Variants in CRKL observed in about 807,000 individuals in gnomAD.
CRKL encodes the protein crk-like protein.
In CRKL, 3 loss-of-function variants were observed where a neutral mutation model predicts 23.0. The ratio of observed to expected loss-of-function variants is 0.13; its 90% CI spans 0.06 to 0.34. The LOEUF (loss-of-function observed/expected upper bound fraction) is 0.34. Ranked by LOEUF, CRKL falls within the 10% of genes least tolerant of loss-of-function variation. The pLI is 1.00. For missense variants in CRKL, 256 were observed against 394.5 expected (o/e 0.65, Z 2.97); for synonymous variants, 188 against 160.7 (o/e 1.17, Z -1.28).
In CRKL at chr22:20,917,857, C is replaced by T. The variant is rs935939700; in HGVS notation, c.-78C>T. The T allele has an allele frequency of 1.5e-4, 216 of 1,415,920 alleles. No homozygotes were observed. The highest frequency in any genetic ancestry group is 2.4e-4 in the Middle Eastern group (1 of 4,120). The allele number at this position is 1,415,920 out of a possible 1,614,324, so 87.7% of individuals were successfully genotyped here. A position where few individuals can be genotyped will look rare whatever the true frequency, so the allele number is the denominator to read the frequency against. Reference sequence around the variant, plus strand: ...AGAGGCCCTTCCTCGGCCCCAAAGCCGTCTGCCGGGCTAAGGCGTGCAGAG... The same window carrying T: ...AGAGGCCCTTCCTCGGCCCCAAAGCTGTCTGCCGGGCTAAGGCGTGCAGAG... On this transcript the variant is annotated 5_prime_UTR_variant, in exon 1 of 3. Coordinates refer to ENST00000354336, the MANE Select transcript of CRKL (RefSeq NM_005207.4).
chr22:20,952,572 G>A lies in CRKL; in HGVS notation c.*2727G>A, dbSNP rs1434767149. On this transcript the variant is annotated 3_prime_UTR_variant, in exon 3 of 3. Transcript: ENST00000354336. ...AATGCAGCACTGCTGCCTCAGCTCA[G>A]CTTCGTGCCTGGGTTCCCCACTGGT... is the stretch of plus-strand genomic sequence containing the variant. The A allele has an allele frequency of 8.6e-6, 2 of 232,598 alleles. No homozygotes were observed. Among genetic ancestry groups the A allele is most frequent in the African/African-American group, 4.4e-5 (2 of 45,298 alleles). 14.4% of individuals were successfully genotyped at this position (232,598 alleles called of 1,614,324 possible).
At chr22:20,948,368 C>T (rs982099068) in intron 2 of CRKL, among the ~76,000 whole-genome samples, 7 of 152,004 alleles carry the variant, frequency 4.6e-5, no homozygotes, top group African/African-American at 1.5e-4. Flanking sequence ...CTGATATATA[C>T]AGTGTTGTGC....
intron 1 of CRKL, among the ~76,000 whole-genome samples, chr22:20,927,111 C>CAAAAAAAAAAAAAAAAAAAAAAAAAA (rs371278201): frequency 7.6e-4 from 37 of 48,516 alleles, no homozygotes; most frequent in East Asian, 3.4e-3. Flanking sequence ...GACTCCGTCT[C>CAAAAAAAAAAAAAAAAAAAAAAAAAA]AAAAAAAAAA....
intron 1 of CRKL, among the ~76,000 whole-genome samples, chr22:20,932,584 C>T (rs529181307): frequency 1.2e-4 from 18 of 152,042 alleles, no homozygotes; most frequent in Admixed American, 2.0e-4. Flanking sequence ...AGGCAGCTTC[C>T]GAACTTACTT....
chr22:20,933,273 G>A (rs1921522580), intron 1 of CRKL, among the ~76,000 whole-genome samples: 1 of 152,076 alleles, frequency 6.6e-6, no homozygotes, highest in South Asian at 2.1e-4. Context: ...AGGAGGCTGA[G>A]GCAGGAGAAT....
At chr22:20,931,233 C>G (rs1448018625) in intron 1 of CRKL, among the ~76,000 whole-genome samples, 1 of 152,012 alleles carries the variant, frequency 6.6e-6, no homozygotes, top group Non-Finnish European at 1.5e-5. Context: ...TAGTGAGACC[C>G]CCATCTCTAC....
intron 2 of CRKL, among the ~76,000 whole-genome samples, chr22:20,944,404 C>CGTTTT (rs138945386): frequency 4.0e-4 from 61 of 152,000 alleles, no homozygotes; most frequent in African/African-American, 1.4e-3. Flanking sequence ...AAATTATTCT[C>CGTTTT]GTTTTGTTTT....
intron 1 of CRKL, among the ~76,000 whole-genome samples, chr22:20,924,129 A>G (rs1350384486): frequency 6.6e-6 from 1 of 152,192 alleles, no homozygotes; most frequent in African/African-American, 2.4e-5. Context: ...TCGAGGCTAC[A>G]GTGAGCTATG....
At chr22:20,946,968 A>G (rs751312346) in intron 2 of CRKL, among the ~76,000 whole-genome samples, 5 of 152,192 alleles carry the variant, frequency 3.3e-5, no homozygotes, top group Non-Finnish European at 7.3e-5. Context: ...CAGCCAGGAT[A>G]TCTTTACTGT....
intron 1 of CRKL, among the ~76,000 whole-genome samples, chr22:20,928,070 T>C (rs975207173): frequency 1.3e-5 from 2 of 151,754 alleles, no homozygotes; most frequent in Non-Finnish European, 2.9e-5. Context: ...GGCACAAGAA[T>C]AGCTTGAACC....
chr22:20,946,537 G>T (rs1211197273), intron 2 of CRKL, among the ~76,000 whole-genome samples: 1 of 152,100 alleles, frequency 6.6e-6, no homozygotes, highest in African/African-American at 2.4e-5. Context: ...GATGCATTAG[G>T]TATGTGCTTC....
intron 2 of CRKL, among the ~76,000 whole-genome samples, chr22:20,947,239 CTCT>C (rs1275131282): frequency 7.0e-6 from 1 of 142,698 alleles, no homozygotes; most frequent in African/African-American, 2.9e-5. Context: ...CTGTCTCTCT[CTCT>C]TTTTTTTTTT....
Position 20,952,698 on chromosome 22 carries a change from T to C in CRKL, c.*2853T>C, listed in dbSNP as rs1457763435. 41 of 231,500 alleles carry C rather than the reference T, an allele frequency of 1.8e-4. No individual in the cohort carries two copies. In the Admixed American group the frequency reaches 2.0e-3, roughly 11 times the overall value. 14.3% of individuals were successfully genotyped at this position (231,500 alleles called of 1,614,324 possible). A position where few individuals can be genotyped will look rare whatever the true frequency, so the allele number is the denominator to read the frequency against. On this transcript the variant is annotated 3_prime_UTR_variant, in exon 3 of 3. Transcript: ENST00000354336. ...CTGCTCTACCATGTTTAAAGAAATA[T>C]TTGGATGTTAAATTAACTCACTATG... is the stretch of plus-strand genomic sequence containing the variant.
Position 20,949,828 on chromosome 22 carries a change from C to A in CRKL, c.895C>A (p.Pro299Thr), listed in dbSNP as rs766986280. 1 of 1,608,230 alleles carries A rather than the reference C, an allele frequency of 6.2e-7. No homozygotes were observed. The highest frequency in any genetic ancestry group is 8.5e-7 in the Non-Finnish European group (1 of 1,177,912). The part of the protein sequence containing the change: ...THVKIFDPQN[P>T]DENE ...CGTCAAAATCTTTGACCCTCAAAAC[C>A]CAGATGAAAACGAGTGATTGCTGTT... The change falls in exon 3 of 3, where the codon CCA becomes ACA. Residue 299 changes from proline to threonine, a missense_variant. This residue lies in a region of CRKL where 129 missense variants were observed against 222.1 expected (regional missense o/e 0.58). Coordinates refer to ENST00000354336, the MANE Select transcript of CRKL (RefSeq NM_005207.4).
chr22:20,942,316 G>A (rs1482343347), intron 2 of CRKL, among the ~76,000 whole-genome samples: 1 of 152,170 alleles, frequency 6.6e-6, no homozygotes, highest in Non-Finnish European at 1.5e-5. Context: ...AAAGGCCAAG[G>A]TGGGAAGATC....
At chr22:20,941,570 G>GTATA (rs1921877980) in intron 2 of CRKL, among the ~76,000 whole-genome samples, 1 of 38,066 alleles carries the variant, frequency 2.6e-5, no homozygotes, top group African/African-American at 9.5e-5. Context: ...GTGTGTGTGT[G>GTATA]TGTGTGTGTA....
At chr22:20,937,877 ATTTT>A (rs200827212) in intron 2 of CRKL, among the ~76,000 whole-genome samples, 1 of 147,236 alleles carries the variant, frequency 6.8e-6, no homozygotes, top group South Asian at 2.1e-4. Context: ...GCATAAGTAA[ATTTT>A]TTTTTTTTTC....
At chr22:20,944,139 C>CTTTTTTTTTT (rs57177824) in intron 2 of CRKL, among the ~76,000 whole-genome samples, 4 of 105,846 alleles carry the variant, frequency 3.8e-5, no homozygotes, top group African/African-American at 1.1e-4. Context: ...GTAGTATTAG[C>CTTTTTTTTTT]TTTTTTTTTT....
chr22:20,946,047 C>G (rs1032966358), intron 2 of CRKL, among the ~76,000 whole-genome samples: 3 of 152,202 alleles, frequency 2.0e-5, no homozygotes, highest in African/African-American at 7.2e-5. Flanking sequence ...GCAGGATGTT[C>G]TTTGATCACT....
Sources: gnomAD v4.1 joint callset for allele counts (sites outside exome capture counted in the v4.1 genomes callset) on GRCh38, gnomAD v4.1.1 for gene constraint, gnomAD v4.1.1 regional missense constraint, MANE v1.5 for transcripts, NCBI Gene and HGNC (gene_info 2026-07-23, HGNC 2026-07-21) for gene names.